Variants in ATL2 observed in about 807,000 individuals in gnomAD.
ATL2 encodes the protein atlastin GTPase 2.
ATL2 carries 31 observed loss-of-function variants against 73.9 expected under a neutral mutation model. The ratio of observed to expected loss-of-function variants is 0.42; its 90% CI spans 0.32 to 0.57. The LOEUF is 0.57. ATL2 is among the 20% of genes least tolerant of loss of function. The pLI, the probability that ATL2 is intolerant of heterozygous loss-of-function variation, is 0.14. For missense variants in ATL2, 738 were observed against 702.6 expected (o/e 1.05, Z -0.57); for synonymous variants, 291 against 237.5 (o/e 1.23, Z -2.07).
chr2:38,334,887 A>ATATATATTATT (rs1669231786), intron 2 of ATL2, among the ~76,000 whole-genome samples: 22 of 30,880 alleles, frequency 7.1e-4, no homozygotes, highest in Middle Eastern at 0.031. Flanking sequence ...ATTATATAAT[A>ATATATATTATT]TATAATATAT....
intron 9 of ATL2, among the ~76,000 whole-genome samples, chr2:38,305,773 C>T (rs930600818): frequency 6.6e-6 from 1 of 151,722 alleles, no homozygotes; most frequent in Non-Finnish European, 1.5e-5. Context: ...ATATGGGATA[C>T]AGCGTTAAGC....
intron 2 of ATL2, among the ~76,000 whole-genome samples, chr2:38,340,293 C>T (rs759252878): frequency 6.6e-6 from 1 of 150,392 alleles, no homozygotes; most frequent in Non-Finnish European, 1.5e-5. Flanking sequence ...AAGCTGTACA[C>T]TTAAGATTTG....
intron 3 of ATL2, 26 bp downstream of exon 3, chr2:38,318,859 G>C (rs1246503944): frequency 3.1e-6 from 5 of 1,605,982 alleles, no homozygotes; most frequent in African/African-American, 1.3e-5. Flanking sequence ...AGAATACAGG[G>C]TAGAAAAGTA....
rs539128405 is a variant in ATL2 at position 38,333,953 on chromosome 2, A to G, written c.363+9315T>C. On this transcript the variant is annotated intron_variant, in intron 2 of 12. Coordinates refer to ENST00000378954, the MANE Select transcript of ATL2 (RefSeq NM_001135673.4). ...GAATTAAAACTTAGTTTTGATTCCA[A>G]AATCAAAGTCTCAGCAGCAGGGACC... Among the ~76,000 whole-genome samples the G allele has an allele frequency of 2.6e-5, 4 of 152,286 alleles. No individual in the cohort carries two copies. In the East Asian group the frequency reaches 7.7e-4, roughly 29 times the overall value.
At chr2:38,328,929 G>A (rs1036029878) in intron 2 of ATL2, among the ~76,000 whole-genome samples, 3 of 151,664 alleles carry the variant, frequency 2.0e-5, no homozygotes, top group African/African-American at 7.3e-5. Context: ...ACTGAAGAGA[G>A]AGGGGAGAAA....
At chr2:38,369,554 G>A (rs917278279) in intron 1 of ATL2, among the ~76,000 whole-genome samples, 1 of 151,492 alleles carries the variant, frequency 6.6e-6, no homozygotes, top group African/African-American at 2.4e-5. Flanking sequence ...CCAAAGTGCT[G>A]GGATTACAGT....
intron 1 of ATL2, among the ~76,000 whole-genome samples, chr2:38,375,473 G>T (rs547196764): frequency 6.6e-6 from 1 of 152,070 alleles, no homozygotes; most frequent in Non-Finnish European, 1.5e-5. Context: ...ATAAATGGTG[G>T]GCCCTATTTC....
chr2:38,307,389 C>T (rs574597583), intron 9 of ATL2, among the ~76,000 whole-genome samples: 3 of 148,432 alleles, frequency 2.0e-5, no homozygotes, highest in South Asian at 2.1e-4. Context: ...CTTGCTCTGT[C>T]GCCCAGGCTG....
At chr2:38,346,739 C>T (rs1670036942) in intron 1 of ATL2, among the ~76,000 whole-genome samples, 1 of 152,190 alleles carries the variant, frequency 6.6e-6, no homozygotes, top group Non-Finnish European at 1.5e-5. Flanking sequence ...TGCTCGCTCG[C>T]CTGCTACTCC....
intron 1 of ATL2, among the ~76,000 whole-genome samples, chr2:38,349,447 C>G (rs1467360271): frequency 6.9e-6 from 1 of 144,332 alleles, no homozygotes; most frequent in Non-Finnish European, 1.5e-5. Context: ...ACCGCATGTT[C>G]TCACTCATAG....
chr2:38,362,151 T>G (rs1573577924), intron 1 of ATL2, among the ~76,000 whole-genome samples: 2 of 152,136 alleles, frequency 1.3e-5, no homozygotes, highest in East Asian at 3.9e-4. Flanking sequence ...AAGAATAGGT[T>G]TAAAGGGCTT....
chr2:38,345,612 T>C (rs1476084615), intron 1 of ATL2, among the ~76,000 whole-genome samples: 1 of 152,190 alleles, frequency 6.6e-6, no homozygotes, highest in Non-Finnish European at 1.5e-5. Context: ...CCTGTATCAA[T>C]GGTATATAGC....
intron 1 of ATL2, among the ~76,000 whole-genome samples, chr2:38,357,688 T>C (rs1306212155): frequency 6.6e-6 from 1 of 151,644 alleles, no homozygotes; most frequent in African/African-American, 2.4e-5. Context: ...AGAGATACTT[T>C]TTTATATTGG....
chr2:38,344,638 G>C (rs1295864731), intron 1 of ATL2, among the ~76,000 whole-genome samples: 1 of 152,004 alleles, frequency 6.6e-6, no homozygotes, highest in East Asian at 1.9e-4. Context: ...AATTATTCAT[G>C]TTATTTTTCA....
intron 2 of ATL2, among the ~76,000 whole-genome samples, chr2:38,332,723 G>A (rs1669071777): frequency 6.6e-6 from 1 of 152,180 alleles, no homozygotes; most frequent in Non-Finnish European, 1.5e-5. Context: ...AACACTACCA[G>A]AGTCCAGGGG....
chr2:38,302,983 G>C (rs1667264336), intron 9 of ATL2, among the ~76,000 whole-genome samples: 1 of 152,080 alleles, frequency 6.6e-6, no homozygotes, highest in Non-Finnish European at 1.5e-5. Flanking sequence ...CTGAAATAAA[G>C]CACCAGTGAC....
intron 1 of ATL2, among the ~76,000 whole-genome samples, chr2:38,370,335 G>A (rs2124496764): frequency 6.6e-6 from 1 of 150,796 alleles, no homozygotes; most frequent in Admixed American, 6.6e-5. Context: ...TGTAATCTCA[G>A]CTGCTCGGGA....
chr2:38,377,374 A>C, upstream of ATL2: 10 of 786,914 alleles, frequency 1.3e-5, no homozygotes, highest in South Asian at 1.9e-5. Context: ...CTCCGCCTGT[A>C]TCTCCTCGCC....
chr2:38,343,558 A>G, intron 1 of ATL2, 46 bp from the exon 2 acceptor site: 1 of 1,563,380 alleles, frequency 6.4e-7, no homozygotes, highest in Non-Finnish European at 8.7e-7. Flanking sequence ...TCCCTATATT[A>G]CGAACTTTCA....
Sources: gnomAD v4.1 joint callset for allele counts (sites outside exome capture counted in the v4.1 genomes callset) on GRCh38, gnomAD v4.1.1 for gene constraint, MANE v1.5 for transcripts, NCBI Gene and HGNC (gene_info 2026-07-23, HGNC 2026-07-21) for gene names.